The following GRID1 variants were observed in gnomAD, a reference collection of about 807,000 sequenced individuals.
GRID1 encodes glutamate receptor ionotropic, delta-1.
A neutral mutation model predicts 98.0 loss-of-function variants in GRID1; 28 were observed. The ratio of observed to expected loss-of-function variants is 0.29; its 90% CI spans 0.21 to 0.39. The LOEUF (loss-of-function observed/expected upper bound fraction) is 0.39, where lower values mean the gene tolerates loss of function less well. GRID1 is among the 10% of genes least tolerant of loss of function. The pLI is 1.00. For missense variants in GRID1, 1,111 were observed against 1,340.5 expected (o/e 0.83, Z 2.67); for synonymous variants, 553 against 538.5 (o/e 1.03, Z -0.37).
intron 12 of GRID1, among the ~76,000 whole-genome samples, chr10:85,679,691 G>A (rs535835360): frequency 6.6e-6 from 1 of 152,340 alleles, no homozygotes; most frequent in South Asian, 2.1e-4. Flanking sequence ...GGAAGTGGAT[G>A]AGGCAAGAAT....
intron 2 of GRID1, among the ~76,000 whole-genome samples, chr10:86,357,540 T>C (rs1202535843): frequency 6.6e-6 from 1 of 152,160 alleles, no homozygotes; most frequent in Non-Finnish European, 1.5e-5. Flanking sequence ...GTGTAGTCTA[T>C]AAAATGAGAA....
At chr10:85,613,719 C>A in intron 14 of GRID1, 72 bp from the exon 15 acceptor site, 1 of 1,536,228 alleles carries the variant, frequency 6.5e-7, no homozygotes, top group Non-Finnish European at 8.9e-7. Context: ...CTGGCCCCTG[C>A]CCCACCATGC....
intron 3 of GRID1, among the ~76,000 whole-genome samples, chr10:86,164,704 G>A (rs1240817748): frequency 6.6e-6 from 1 of 152,154 alleles, no homozygotes. Context: ...AGAGAGGTGG[G>A]AGAGGGAACA....
At position 86,364,049 on chromosome 10, in the gene GRID1, A is replaced by G. The variant is rs372044553; in HGVS notation, c.127T>C (p.Leu43=). The change falls in exon 2 of 16, where the codon TTG becomes CTG. Residue 43 remains leucine, a synonymous_variant. Coordinates refer to ENST00000327946, the MANE Select transcript of GRID1 (RefSeq NM_017551.3). ...NAAKDDRVFQ[L]AVSDLSLNDD... is the part of the protein sequence containing the mutation. ...TTGAGGCTCAGGTCGGATACCGCCAACTGGAACACCCTGTCGTCCTTGGCC... is the reference window on the plus strand; with the variant it reads ...TTGAGGCTCAGGTCGGATACCGCCAGCTGGAACACCCTGTCGTCCTTGGCC... The G allele has an allele frequency of 5.0e-6, 8 of 1,613,904 alleles. No individual in the cohort carries two copies. Among genetic ancestry groups the G allele is most frequent in the African/African-American group, 1.3e-5 (1 of 74,942 alleles).
chr10:86,091,555 G>C (rs1320032501), intron 4 of GRID1, among the ~76,000 whole-genome samples: 2 of 151,070 alleles, frequency 1.3e-5, no homozygotes, highest in Admixed American at 6.6e-5. Flanking sequence ...TACCTACCCT[G>C]GTAGCAGAAG....
At chr10:86,014,029 G>T (rs1589336870) in intron 4 of GRID1, among the ~76,000 whole-genome samples, 2 of 152,310 alleles carry the variant, frequency 1.3e-5, no homozygotes, top group East Asian at 3.9e-4. Context: ...TGGGTGTGCT[G>T]CTCTGATCCA....
Position 86,249,607 on chromosome 10 carries a change from C to G in GRID1, c.236-42959G>C, listed in dbSNP as rs568722754. ...CACCCCGACTCACCTCCATTTCTAC[C>G]CCCCCACACCCTCCCCCACAACAGG... On this transcript the variant is annotated intron_variant, in intron 2 of 15. Transcript: ENST00000327946. 9.2e-5 allele frequency among the ~76,000 whole-genome samples: 14 copies of G among 152,128 alleles called. No homozygotes were observed. The East Asian group carries it at 2.5e-3, about 27-fold the overall frequency.
At chr10:85,880,613 G>A (rs1840992663) in intron 5 of GRID1, among the ~76,000 whole-genome samples, 1 of 151,530 alleles carries the variant, frequency 6.6e-6, no homozygotes, top group African/African-American at 2.4e-5. Context: ...GGTATTGATG[G>A]GACATATCTC....
At chr10:86,287,272 G>A (rs1244375076) in intron 2 of GRID1, among the ~76,000 whole-genome samples, 1 of 152,188 alleles carries the variant, frequency 6.6e-6, no homozygotes, top group African/African-American at 2.4e-5. Flanking sequence ...GTATCCCTGA[G>A]GGACTGGAAG....
intron 6 of GRID1, among the ~76,000 whole-genome samples, chr10:85,863,488 T>C (rs1843185636): frequency 6.6e-6 from 1 of 152,168 alleles, no homozygotes; most frequent in African/African-American, 2.4e-5. Flanking sequence ...GTTGTCTTGT[T>C]GAAACCAGGA....
Position 85,729,563 on chromosome 10 carries a change from G to A in GRID1, c.1285C>T (p.Pro429Ser). 1 of 1,612,892 alleles carries A rather than the reference G, an allele frequency of 6.2e-7. No individual in the cohort carries two copies. The highest frequency in any genetic ancestry group is 8.5e-7 in the Non-Finnish European group (1 of 1,179,092). The change falls in exon 9 of 16, where the codon CCC becomes TCC. Residue 429 changes from proline to serine, a missense_variant. By Grantham distance (74) the Pro-to-Ser change is moderately conservative (BLOSUM62 -1). Coordinates refer to ENST00000327946, the MANE Select transcript of GRID1 (RefSeq NM_017551.3). ...KGLNGSLQERPMGSRLQGLTL... is the reference protein window; with the variant it reads ...KGLNGSLQERSMGSRLQGLTL... Reference sequence around the variant, plus strand: ...AATCCTTGGAGGCGGCTGCCCATGGGCCTCTCTTGCAAGCTGCCATTCAAG... The same window carrying A: ...AATCCTTGGAGGCGGCTGCCCATGGACCTCTCTTGCAAGCTGCCATTCAAG...
intron 2 of GRID1, among the ~76,000 whole-genome samples, chr10:86,363,040 G>A (rs1409382818): frequency 1.3e-5 from 2 of 152,290 alleles, no homozygotes; most frequent in East Asian, 3.8e-4. Flanking sequence ...AGCCGGGTAA[G>A]TGTCAGAGGC....
chr10:85,876,974 G>A (rs572849835), intron 5 of GRID1, among the ~76,000 whole-genome samples: 55 of 152,228 alleles, frequency 3.6e-4, no homozygotes, highest in Middle Eastern at 3.2e-3. Context: ...CTGGCTCGGA[G>A]GGTCCTACGC....
At chr10:86,005,449 T>A (rs1173411278) in intron 4 of GRID1, among the ~76,000 whole-genome samples, 1 of 152,162 alleles carries the variant, frequency 6.6e-6, no homozygotes, top group Non-Finnish European at 1.5e-5. Flanking sequence ...TTGGAGAGAC[T>A]ACTGGTTAAT....
At chr10:86,059,047 T>C (rs1423892474) in intron 4 of GRID1, among the ~76,000 whole-genome samples, 11 of 152,074 alleles carry the variant, frequency 7.2e-5, no homozygotes, top group Admixed American at 1.3e-4. Context: ...TATGAGCTCA[T>C]GAGGAGGAGG....
intron 8 of GRID1, among the ~76,000 whole-genome samples, chr10:85,797,312 G>A (rs1457849687): frequency 1.3e-5 from 2 of 151,798 alleles, no homozygotes; most frequent in Non-Finnish European, 2.9e-5. Context: ...CTCACTACTC[G>A]GGTACTGAGT....
At chr10:86,298,035 C>T (rs1847620210) in intron 2 of GRID1, among the ~76,000 whole-genome samples, 1 of 152,216 alleles carries the variant, frequency 6.6e-6, no homozygotes, top group African/African-American at 2.4e-5. Context: ...TGCCCACACT[C>T]TTTGACCCAA....
At chr10:85,876,748 C>T (rs535665284) in intron 5 of GRID1, among the ~76,000 whole-genome samples, 1 of 152,332 alleles carries the variant, frequency 6.6e-6, no homozygotes, top group South Asian at 2.1e-4. Context: ...GAGTGCCAGA[C>T]AGTGGGTGCA....
At chr10:85,848,994 C>T (rs527526431) in intron 8 of GRID1, among the ~76,000 whole-genome samples, 2 of 152,326 alleles carry the variant, frequency 1.3e-5, no homozygotes, top group African/African-American at 2.4e-5. Flanking sequence ...AGACACTGCA[C>T]AGTCCTCAGA....
Sources: allele counts gnomAD v4.1 joint callset (sites outside exome capture counted in the v4.1 genomes callset), GRCh38; gene constraint gnomAD v4.1.1; transcripts MANE v1.5; gene names NCBI Gene and HGNC (gene_info 2026-07-23, HGNC 2026-07-21).